Variants in SGSM2 observed in about 807,000 individuals in gnomAD.
SGSM2 encodes RUN and TBC1 domain containing 1.
SGSM2 carries 89 observed loss-of-function variants against 126.6 expected under a neutral mutation model. The ratio of observed to expected loss-of-function variants is 0.70; its 90% CI spans 0.59 to 0.84. The LOEUF is 0.84. Ranked by LOEUF, SGSM2 falls within the 40% of genes least tolerant of loss-of-function variation. SGSM2 has a pLI of 0.00. For missense variants in SGSM2, 1,404 were observed against 1,416.6 expected (o/e 0.99, Z 0.14); for synonymous variants, 614 against 574.3 (o/e 1.07, Z -0.99).
intron 18 of SGSM2, 119 bp downstream of exon 18, chr17:2,375,994 T>C: frequency 6.6e-7 from 1 of 1,514,536 alleles, no homozygotes; most frequent in Admixed American, 2.0e-5. Context: ...GGAAGGGAGT[T>C]CTGAGCCCAT....
chr17:2,380,355 G>T lies in SGSM2; in HGVS notation c.*835G>T. 1 of 1,503,600 alleles carries T rather than the reference G, an allele frequency of 6.7e-7. No homozygotes were observed. Among genetic ancestry groups the T allele is most frequent in the South Asian group, 1.2e-5 (1 of 83,452 alleles). The allele number at this position is 1,503,600 out of a possible 1,614,324, so 93.1% of individuals were successfully genotyped here. On this transcript the variant is annotated 3_prime_UTR_variant, in exon 24 of 24. Transcript: ENST00000268989. ...GGAGCACTTGCTCTGAGGAATCCCA[G>T]GGTGACTCTGTCGGGGAAGAATCCG...
intron 2 of SGSM2, among the ~76,000 whole-genome samples, chr17:2,359,364 C>G (rs1421407194): frequency 6.6e-6 from 1 of 152,170 alleles, no homozygotes; most frequent in East Asian, 1.9e-4. Context: ...GCAGTGTGAA[C>G]AGTTACTGGC....
In SGSM2 at chr17:2,380,235, C is replaced by T; in HGVS notation, c.*715C>T. The T allele has an allele frequency of 6.5e-7, 1 of 1,536,004 alleles. No individual in the cohort carries two copies. Among genetic ancestry groups the T allele is most frequent in the African/African-American group, 1.4e-5 (1 of 73,164 alleles). ...TCTGTGTATCTGTACAGCCTCGCTC[C>T]TGCCACCCCACCCTTGCGTTCTGCA... is the stretch of plus-strand genomic sequence containing the variant. On this transcript the variant is annotated 3_prime_UTR_variant, in exon 24 of 24. Coordinates refer to ENST00000268989, the MANE Select transcript of SGSM2 (RefSeq NM_014853.3).
intron 11 of SGSM2, chr17:2,366,954 G>A: frequency 3.3e-6 from 1 of 304,804 alleles, no homozygotes; most frequent in Admixed American, 4.5e-5. Context: ...GAGGGCCGAT[G>A]ACCTCCTGGG....
At chr17:2,375,902 C>T in intron 18 of SGSM2, 27 bp downstream of exon 18, 1 of 1,508,370 alleles carries the variant, frequency 6.6e-7, no homozygotes, top group Non-Finnish European at 8.8e-7. Context: ...CAGGCTGTTC[C>T]CAGCCGCCCC....
At chr17:2,352,831 G>C (rs1249871726) in intron 2 of SGSM2, among the ~76,000 whole-genome samples, 1 of 117,496 alleles carries the variant, frequency 8.5e-6, no homozygotes, top group Non-Finnish European at 1.7e-5. Context: ...AGGCTGGAGT[G>C]CAGTGGCGCG....
chr17:2,354,215 T>TTTTGTTTGTTTTTTTCG (rs11270127), intron 2 of SGSM2, among the ~76,000 whole-genome samples: 1 of 151,572 alleles, frequency 6.6e-6, no homozygotes, highest in South Asian at 2.1e-4. Context: ...CCTAGAGTTT[T>TTTTGTTTGTTTTTTTCG]TTTGTTTGTT....
intron 21 of SGSM2, 179 bp from the exon 22 acceptor site, chr17:2,377,678 C>G: frequency 2.0e-6 from 1 of 497,392 alleles, no homozygotes; most frequent in South Asian, 2.4e-5. Context: ...CAGGAGCAAC[C>G]CACCCTCCAC....
chr17:2,379,130 C>T lies in SGSM2; in HGVS notation c.2994C>T (p.Ala998=). The part of the protein sequence containing the change: ...SEHFVLFIAL[A]LVEAYREIIR... ...ACTTTGTCCTGTTCATCGCCCTCGC[C>T]CTGGTGGAGGCCTACCGAGAGATCA... The change falls in exon 23 of 24, where the codon GCC becomes GCT. Residue 998 remains alanine (A), a synonymous_variant. Coordinates refer to ENST00000268989, the MANE Select transcript of SGSM2 (RefSeq NM_014853.3). 1 of 1,614,198 alleles carries T rather than the reference C, an allele frequency of 6.2e-7. No individual in the cohort carries two copies.
chr17:2,363,269 C>A lies in SGSM2; in HGVS notation c.672+135C>A. 1 of 1,340,414 alleles carries A rather than the reference C, an allele frequency of 7.5e-7. No homozygotes were observed. The highest frequency in any genetic ancestry group is 1.0e-6 in the Non-Finnish European group (1 of 999,468). 83.0% of individuals were successfully genotyped at this position (1,340,414 alleles called of 1,614,324 possible). A position where few individuals can be genotyped will look rare whatever the true frequency, so the allele number is the denominator to read the frequency against. On this transcript the variant is annotated intron_variant, in intron 6 of 23. Coordinates refer to ENST00000268989, the MANE Select transcript of SGSM2 (RefSeq NM_014853.3). This position sits in a 1 kb window ranked among gnomAD's most constrained non-coding sequence, Gnocchi z 4.2. ...GCGGCTGCCTCAGAAGAGCCTTCTC[C>A]GCACAATAAAACTTAACACAAATGC...
At chr17:2,340,096 T>C (rs978449138) in intron 1 of SGSM2, among the ~76,000 whole-genome samples, 1 of 152,144 alleles carries the variant, frequency 6.6e-6, no homozygotes, top group Non-Finnish European at 1.5e-5. Context: ...TTTTGGAGGT[T>C]AGTCACAGAT....
At position 2,364,153 on chromosome 17, in the gene SGSM2, G is replaced by A. The variant is rs776622200; in HGVS notation, c.902G>A (p.Gly301Glu). The change falls in exon 8 of 24, where the codon GGG becomes GAG. Residue 301 changes from glycine (G) to glutamate (E), a missense_variant. Transcript: ENST00000268989. ...LKWTPNQLMN[G>E]TLGDSELEKS... ...TGGACCCCCAACCAGCTCATGAATGGGACTCTGGGGGACTCCGAGCTGGAA... is the reference window on the plus strand; with the variant it reads ...TGGACCCCCAACCAGCTCATGAATGAGACTCTGGGGGACTCCGAGCTGGAA... The A allele has an allele frequency of 3.7e-6, 6 of 1,613,940 alleles. No individual in the cohort carries two copies. The highest frequency in any genetic ancestry group is 4.2e-6 in the Non-Finnish European group (5 of 1,180,018).
At chr17:2,339,849 G>T (rs781482260) in intron 1 of SGSM2, among the ~76,000 whole-genome samples, 1 of 152,046 alleles carries the variant, frequency 6.6e-6, no homozygotes, top group Non-Finnish European at 1.5e-5. Flanking sequence ...TCCCGCTTGT[G>T]GGAGAAGCTT....
chr17:2,372,487 A>G lies in SGSM2; in HGVS notation c.1787A>G (p.Lys596Arg). 6.3e-7 allele frequency: 1 copy of G among 1,598,150 alleles called. No individual in the cohort carries two copies. The highest frequency in any genetic ancestry group is 8.5e-7 in the Non-Finnish European group (1 of 1,175,622). Residue 596 changes from lysine (K) to arginine (R), a missense_variant and splice_region_variant, in exon 15 of 24, where the codon AAG becomes AGG. Lys to Arg is a conservative substitution (Grantham distance 26). Coordinates refer to ENST00000268989, the MANE Select transcript of SGSM2 (RefSeq NM_014853.3). This position sits in a 1 kb window ranked among gnomAD's most constrained non-coding sequence, Gnocchi z 6.0. ...DVWSKYQKDK[K>R]NYKELELLRQ... ...TGGAGCAAGTATCAGAAGGACAAAA[A>G]GGTGCCAACCCTGGGGTTCCAGGGC...
At chr17:2,343,742 A>G (rs550078202) in intron 2 of SGSM2, 122 bp downstream of exon 2, 20 of 800,368 alleles carry the variant, frequency 2.5e-5, no homozygotes, top group Admixed American at 2.5e-4. Context: ...GTCCAAATCA[A>G]CCTGGAAGCT....
chr17:2,371,561 C>T lies in SGSM2; in HGVS notation c.1577+146C>T. On this transcript the variant is annotated intron_variant, in intron 13 of 23. Coordinates refer to ENST00000268989, the MANE Select transcript of SGSM2 (RefSeq NM_014853.3). ...GGGTTCAAATTTCACTTTTGCTACC[C>T]ACGTGACTTACAAGTTATGGAATTA... 4.2e-6 allele frequency: 4 copies of T among 941,404 alleles called. No individual in the cohort carries two copies. The South Asian group carries it at 6.9e-5, about 16-fold the overall frequency. The allele number at this position is 941,404 out of a possible 1,614,324, so 58.3% of individuals were successfully genotyped here. A position where few individuals can be genotyped will look rare whatever the true frequency, so the allele number is the denominator to read the frequency against.
chr17:2,376,584 T>C, intron 19 of SGSM2, 149 bp from the exon 20 acceptor site: 1 of 876,724 alleles, frequency 1.1e-6, no homozygotes, highest in Non-Finnish European at 1.8e-6. Flanking sequence ...TTCCCCGTTG[T>C]CTCCCTGTGG....
chr17:2,345,585 G>C (rs1488653064), intron 2 of SGSM2, among the ~76,000 whole-genome samples: 6 of 126,526 alleles, frequency 4.7e-5, no homozygotes, highest in Admixed American at 2.9e-4. Context: ...GACAGAGCGA[G>C]ACTCTGTCTC....
chr17:2,379,437 G>A lies in SGSM2; in HGVS notation c.3073G>A (p.Ala1025Thr). The change falls in exon 24 of 24, where the codon GCT (alanine) becomes ACT (threonine). Residue 1025 changes from alanine to threonine, a missense_variant. Transcript: ENST00000268989. ...TDIIKFFNER[A>T]EHHDAQEILR... is the part of the protein sequence containing the mutation. ...CTCTTCACGTTTCCCCCCAGAACGT[G>A]CTGAGCATCACGATGCCCAGGAGAT... The A allele has an allele frequency of 2.5e-6, 4 of 1,612,852 alleles. No individual in the cohort carries two copies. The highest frequency in any genetic ancestry group is 3.4e-6 in the Non-Finnish European group (4 of 1,179,154).
Sources: allele counts gnomAD v4.1 joint callset (sites outside exome capture counted in the v4.1 genomes callset), GRCh38; gene constraint gnomAD v4.1.1; non-coding constraint Gnocchi (gnomAD v3.1); transcripts MANE v1.5; gene names NCBI Gene and HGNC (gene_info 2026-07-23, HGNC 2026-07-21).